The following MMP8 variants were observed in gnomAD, a reference collection of about 807,000 sequenced individuals.
MMP8 encodes the protein neutrophil collagenase.
MMP8 carries 67 observed loss-of-function variants against 51.2 expected under a neutral mutation model. That is an observed-to-expected ratio of 1.31 (90% confidence interval 1.08 to 1.60). The LOEUF is 1.60. MMP8 is among the 40% of genes most tolerant of loss of function. The pLI is 0.00. For missense variants in MMP8, 654 were observed against 558.1 expected (o/e 1.17, Z -1.73); for synonymous variants, 225 against 191.0 (o/e 1.18, Z -1.47).
chr11:102,723,054 C>T, intron 1 of MMP8: 1 of 1,290,890 alleles, frequency 7.7e-7, no homozygotes, highest in Non-Finnish European at 1.0e-6. Flanking sequence ...ATCCTCTTCA[C>T]TACTGTAGAA....
At chr11:102,715,555 C>G (rs766378243) in intron 6 of MMP8, 118 bp from the exon 7 acceptor site, 64 of 1,334,186 alleles carry the variant, frequency 4.8e-5, no homozygotes, top group Non-Finnish European at 6.4e-5. Context: ...ATATAACAAT[C>G]GAACGAATGC....
chr11:102,713,942 G>A lies in MMP8; in HGVS notation c.1191-85C>T, dbSNP rs969872574. ...TTTTTTATTGTATATAATTTACAAA[G>A]TCTCCTCACACATATTTTTTCATTC... On this transcript the variant is annotated intron_variant, in intron 8 of 9. Transcript: ENST00000236826. The A allele has an allele frequency of 1.1e-5, 9 of 823,676 alleles. No homozygotes were observed. The South Asian group carries it at 1.5e-4, about 14-fold the overall frequency. 51.0% of individuals were successfully genotyped at this position (823,676 alleles called of 1,614,324 possible).
chr11:102,723,980 T>C, intron 1 of MMP8: 1 of 267,210 alleles, frequency 3.7e-6, no homozygotes. Flanking sequence ...AATAAGGTTC[T>C]TGTGAGGATT....
At chr11:102,713,985 GTTTAC>G in intron 8 of MMP8, 128 bp from the exon 9 acceptor site, 1 of 559,026 alleles carries the variant, frequency 1.8e-6, no homozygotes. Flanking sequence ...ACAATGCCCT[GTTTAC>G]TAGGATTAAG....
At chr11:102,714,438 C>T (rs561734661) in intron 8 of MMP8, 118 bp downstream of exon 8, 11 of 598,496 alleles carry the variant, frequency 1.8e-5, no homozygotes, top group Admixed American at 1.3e-4. Flanking sequence ...AATATATTCT[C>T]GGTAAAACCT....
At chr11:102,721,860 T>G in intron 2 of MMP8, 98 bp from the exon 3 acceptor site, 1 of 1,357,252 alleles carries the variant, frequency 7.4e-7, no homozygotes, top group Non-Finnish European at 1.0e-6. Context: ...TGCATCATGG[T>G]GTGCTACCAC....
intron 2 of MMP8, among the ~76,000 whole-genome samples, chr11:102,722,034 C>T (rs530632669): frequency 6.6e-6 from 1 of 152,136 alleles, no homozygotes; most frequent in Non-Finnish European, 1.5e-5. Flanking sequence ...ACATATAAAG[C>T]ATTTAGTTCA....
At chr11:102,713,889 A>G in intron 8 of MMP8, 32 bp from the exon 9 acceptor site, 1 of 1,534,456 alleles carries the variant, frequency 6.5e-7, no homozygotes, top group East Asian at 2.3e-5. Flanking sequence ...CCGATTTAAC[A>G]CCAATACAGA....
intron 4 of MMP8, among the ~76,000 whole-genome samples, chr11:102,719,598 T>C (rs1861410614): frequency 1.3e-5 from 2 of 152,234 alleles, no homozygotes; most frequent in Non-Finnish European, 2.9e-5. Context: ...GCAAGATCCA[T>C]GCTCTTACTG....
rs1250648808 is a variant in MMP8 at position 102,716,432 on chromosome 11, A to G, written c.785-13T>C. The G allele has an allele frequency of 1.4e-6, 2 of 1,427,400 alleles. No homozygotes were observed. The highest frequency in any genetic ancestry group is 9.6e-7 in the Non-Finnish European group (1 of 1,045,476). The allele number at this position is 1,427,400 out of a possible 1,614,324, so 88.4% of individuals were successfully genotyped here. On this transcript the variant is annotated splice_polypyrimidine_tract_variant and intron_variant, in intron 5 of 9. Transcript: ENST00000236826. ...TTGCTTGAAAGTCCTGGAAAAAAAA[A>G]AAAAAAAAAAAAAAAGGTCTTTCTT...
rs61747594 is a variant in MMP8, at chr11:102,722,598, C to T, written c.178G>A (p.Val60Ile). Reference protein sequence around the residue: ...STRKNGTNVIVEKLKEMQRFF... With the variant: ...STRKNGTNVIIEKLKEMQRFF... ...CGCTGCATTTCTTTAAGCTTTTCAA[C>T]GATCACATTAGTGCCATTCTTCCTT... The change falls in exon 2 of 10, where the codon GTT becomes ATT. Residue 60 changes from valine to isoleucine, a missense_variant. Val to Ile is a conservative substitution (Grantham distance 29, BLOSUM62 3). Transcript: ENST00000236826. 2.0e-3 allele frequency: 3,195 copies of T among 1,613,934 alleles called. 51 individuals are homozygous for T. The African/African-American group carries it at 0.037, about 19-fold the overall frequency.
At chr11:102,718,289 G>A in intron 5 of MMP8, 125 bp downstream of exon 5, 1 of 1,007,034 alleles carries the variant, frequency 9.9e-7, no homozygotes, top group Non-Finnish European at 1.5e-6. Flanking sequence ...TTTATTACTG[G>A]GGAAATTCAG....
intron 5 of MMP8, among the ~76,000 whole-genome samples, chr11:102,718,036 G>A (rs113107294): frequency 0.011 from 1,625 of 152,136 alleles, 31 homozygotes; most frequent in African/African-American, 0.037. Flanking sequence ...GAACTTGGGA[G>A]GCAGAGGTTG....
intron 1 of MMP8, 174 bp from the exon 2 acceptor site, chr11:102,722,847 C>G (rs969526404): frequency 1.8e-6 from 2 of 1,089,522 alleles, no homozygotes; most frequent in Non-Finnish European, 2.6e-6. Flanking sequence ...TTAGAAAGAA[C>G]AGTTCCTCCA....
Position 102,718,416 on chromosome 11 carries a change from T to C in MMP8, c.782A>G (p.Tyr261Cys). ...QDDIDGIQAI[Y>C]GLSSNPIQPT... is the part of the protein sequence containing the mutation. ...TGACTCTCTTGAGAAGACCTTACCA[T>C]AGATGGCCTGAATGCCATCGATGTC... Residue 261 changes from tyrosine (Y) to cysteine (C), a missense_variant and splice_region_variant, in exon 5 of 10, where the codon TAT (tyrosine) becomes TGT (cysteine). Tyr to Cys is a radical substitution (Grantham distance 194). Coordinates refer to ENST00000236826, the MANE Select transcript of MMP8 (RefSeq NM_002424.3). 1 of 1,610,090 alleles carries C rather than the reference T, an allele frequency of 6.2e-7. No homozygotes were observed. The highest frequency in any genetic ancestry group is 8.5e-7 in the Non-Finnish European group (1 of 1,178,010).
In MMP8 at chr11:102,715,293, T is replaced by C. The variant is rs750775789; in HGVS notation, c.1036+11A>G. ...CAGAACTAACATAAGATGAAAACTTTAGGAAGTTACCTTTAAATAGGAAAA... is the reference window on the plus strand; with the variant it reads ...CAGAACTAACATAAGATGAAAACTTCAGGAAGTTACCTTTAAATAGGAAAA... On this transcript the variant is annotated intron_variant, in intron 7 of 9. Transcript: ENST00000236826. 3.1e-6 allele frequency: 5 copies of C among 1,605,690 alleles called. No individual in the cohort carries two copies. Among genetic ancestry groups the C allele is most frequent in the South Asian group, 1.1e-5 (1 of 89,560 alleles).
chr11:102,717,387 T>C (rs1362762723), intron 5 of MMP8, among the ~76,000 whole-genome samples: 1 of 152,228 alleles, frequency 6.6e-6, no homozygotes, highest in East Asian at 1.9e-4. Context: ...CATACTCCAC[T>C]ACCATTCCCT....
chr11:102,722,405 A>G, intron 2 of MMP8, 24 bp downstream of exon 2: 3 of 1,611,832 alleles, frequency 1.9e-6, no homozygotes, highest in Non-Finnish European at 1.7e-6. Flanking sequence ...AAATGAGTGT[A>G]TCCTGAAACC....
In MMP8 at chr11:102,713,366, A is replaced by T. The variant is rs1861180909; in HGVS notation, c.1386T>A (p.Leu462=). 6.2e-7 allele frequency: 1 copy of T among 1,612,572 alleles called. No homozygotes were observed. Among genetic ancestry groups the T allele is most frequent in the Non-Finnish European group, 8.5e-7 (1 of 1,178,742 alleles). The change falls in exon 10 of 10, where the codon CTT becomes CTA. Residue 462 remains leucine, a synonymous_variant. Transcript: ENST00000236826. ...TTTTGCTTCAGCCATATCTACAGTTAAGCCATTTATTGCCTCTTGCAACTC... is the reference window on the plus strand; with the variant it reads ...TTTTGCTTCAGCCATATCTACAGTTTAGCCATTTATTGCCTCTTGCAACTC... ...VTRVARGNKW[L]NCRYG
Sources: allele counts gnomAD v4.1 joint callset (sites outside exome capture counted in the v4.1 genomes callset), GRCh38; gene constraint gnomAD v4.1.1; transcripts MANE v1.5; gene names NCBI Gene and HGNC (gene_info 2026-07-23, HGNC 2026-07-21).